MARCHF11: variants seen among roughly 807,000 people sequenced by gnomAD.
MARCHF11 encodes E3 ubiquitin-protein ligase MARCHF11.
Under a neutral mutation model 37.3 loss-of-function variants are expected in MARCHF11, and 29 were observed. The ratio of observed to expected loss-of-function variants is 0.78; its 90% CI spans 0.58 to 1.06. The LOEUF (loss-of-function observed/expected upper bound fraction) is 1.06. Among genes scored for constraint, MARCHF11 ranks in the 50% least tolerant of loss-of-function variants. The probability of loss-of-function intolerance (pLI) is 0.00; values close to 1 mark genes in which losing one functional copy is unlikely to be tolerated. For missense variants in MARCHF11, 482 were observed against 533.4 expected (o/e 0.90, Z 0.95); for synonymous variants, 233 against 228.0 (o/e 1.02, Z -0.20).
intron 3 of MARCHF11, among the ~76,000 whole-genome samples, chr5:16,078,344 T>G (rs979800700): frequency 6.6e-6 from 1 of 152,212 alleles, no homozygotes; most frequent in African/African-American, 2.4e-5. Context: ...GTAAAATGCT[T>G]AGAATGTTGC....
At chr5:16,128,900 A>G (rs1339256111) in intron 2 of MARCHF11, among the ~76,000 whole-genome samples, 5 of 152,208 alleles carry the variant, frequency 3.3e-5, no homozygotes, top group South Asian at 2.1e-4. Context: ...TAAACCATCA[A>G]TTGTAGACGA....
intron 2 of MARCHF11, among the ~76,000 whole-genome samples, chr5:16,146,941 C>T (rs1053688685): frequency 1.3e-5 from 2 of 152,058 alleles, no homozygotes; most frequent in African/African-American, 4.8e-5. Flanking sequence ...TGCTAAAAAT[C>T]TTAAAGAGAC....
At chr5:16,098,827 A>T (rs1736911257) in intron 2 of MARCHF11, among the ~76,000 whole-genome samples, 1 of 150,266 alleles carries the variant, frequency 6.7e-6, no homozygotes, top group African/African-American at 2.5e-5. Flanking sequence ...AAATATCAGC[A>T]GCAAAAGGTT....
At chr5:16,101,331 G>A (rs1343065193) in intron 2 of MARCHF11, among the ~76,000 whole-genome samples, 5 of 152,096 alleles carry the variant, frequency 3.3e-5, no homozygotes, top group African/African-American at 1.2e-4. Flanking sequence ...AGCTGAGATC[G>A]TGCCACTGCA....
chr5:16,159,575 T>C (rs1357490957), intron 2 of MARCHF11, among the ~76,000 whole-genome samples: 1 of 152,044 alleles, frequency 6.6e-6, no homozygotes, highest in Non-Finnish European at 1.5e-5. Context: ...ATACCCATTA[T>C]TAATGTTCTT....
Position 16,067,788 on chromosome 5 carries a change from T to C in MARCHF11, c.892A>G (p.Ile298Val). Residue 298 changes from isoleucine to valine, a missense_variant, in exon 4 of 4, where the codon ATT becomes GTT. Ile to Val is a conservative substitution (Grantham distance 29). Transcript: ENST00000332432. The part of the protein sequence containing the change: ...GFMDLVCIGL[I>V]VHEGAAVYRV... Reference sequence around the variant, plus strand: ...TAAACTGCAGCTCCTTCATGAACAATGAGACCTAAAATTTGAGAAAATAAA... The same window carrying C: ...TAAACTGCAGCTCCTTCATGAACAACGAGACCTAAAATTTGAGAAAATAAA... 6.2e-7 allele frequency: 1 copy of C among 1,604,994 alleles called. No individual in the cohort carries two copies. Among genetic ancestry groups the C allele is most frequent in the Non-Finnish European group, 8.5e-7 (1 of 1,175,012 alleles).
chr5:16,176,325 C>T (rs1217403056), intron 2 of MARCHF11, among the ~76,000 whole-genome samples: 2 of 152,160 alleles, frequency 1.3e-5, no homozygotes, highest in Admixed American at 6.5e-5. Context: ...TTCCCACATA[C>T]TTCTACTGAT....
In MARCHF11 at chr5:16,134,156, G is replaced by A. The variant is rs368309382; in HGVS notation, c.694-43075C>T. Among the ~76,000 whole-genome samples the A allele has an allele frequency of 5.9e-5, 9 of 152,300 alleles. No homozygotes were observed. The South Asian group carries it at 1.9e-3, about 32-fold the overall frequency. ...GTGTTGAGCCTGGCATGGAAAGGCA[G>A]TCACTCATAATACTGGTGGGAATGT... On this transcript the variant is annotated intron_variant, in intron 2 of 3. Transcript: ENST00000332432.
At chr5:16,157,499 G>A (rs77313041) in intron 2 of MARCHF11, among the ~76,000 whole-genome samples, 4,640 of 151,914 alleles carry the variant, frequency 0.031, 245 homozygotes, top group African/African-American at 0.11. Context: ...ACAGACATGT[G>A]GATGAATGGG....
chr5:16,084,756 G>GATT (rs1560969906), intron 3 of MARCHF11, among the ~76,000 whole-genome samples: 1 of 130,640 alleles, frequency 7.7e-6, no homozygotes, highest in Admixed American at 7.1e-5. Context: ...AGAAGGAGCA[G>GATT]TTTTTTTTTT....
intron 3 of MARCHF11, among the ~76,000 whole-genome samples, chr5:16,088,709 G>C (rs1341922926): frequency 6.6e-6 from 1 of 152,052 alleles, no homozygotes; most frequent in African/African-American, 2.4e-5. Flanking sequence ...TAGTGAAACT[G>C]CCAAGTAAAA....
intron 2 of MARCHF11, among the ~76,000 whole-genome samples, chr5:16,123,890 A>G (rs1737355935): frequency 1.3e-5 from 2 of 152,216 alleles, no homozygotes; most frequent in African/African-American, 4.8e-5. Context: ...TTTACAATTC[A>G]ATATGTGGCA....
chr5:16,090,750 A>T, intron 3 of MARCHF11, 139 bp downstream of exon 3: 1 of 593,172 alleles, frequency 1.7e-6, no homozygotes, highest in Non-Finnish European at 2.6e-6. Flanking sequence ...CCCAATTGTG[A>T]CCCGCAGCTA....
chr5:16,165,550 T>C (rs1325949031), intron 2 of MARCHF11, among the ~76,000 whole-genome samples: 3 of 152,118 alleles, frequency 2.0e-5, no homozygotes, highest in Non-Finnish European at 4.4e-5. Context: ...TTACCCTGTT[T>C]ATTCTTCAGC....
At chr5:16,123,350 C>A (rs1007429403) in intron 2 of MARCHF11, among the ~76,000 whole-genome samples, 3 of 152,062 alleles carry the variant, frequency 2.0e-5, no homozygotes, top group African/African-American at 7.2e-5. Flanking sequence ...CTCGTGAAAA[C>A]CCAGGAGGAC....
At chr5:16,163,736 C>T (rs950453522) in intron 2 of MARCHF11, among the ~76,000 whole-genome samples, 7 of 152,004 alleles carry the variant, frequency 4.6e-5, no homozygotes, top group African/African-American at 9.7e-5. Context: ...ATGATGATGT[C>T]CCCTCTAAAA....
At chr5:16,158,238 G>C (rs901676099) in intron 2 of MARCHF11, among the ~76,000 whole-genome samples, 1 of 151,888 alleles carries the variant, frequency 6.6e-6, no homozygotes, top group Non-Finnish European at 1.5e-5. Context: ...GTGTAAATTA[G>C]TACAGACATT....
chr5:16,128,316 C>T (rs186302336), intron 2 of MARCHF11, among the ~76,000 whole-genome samples: 7 of 152,216 alleles, frequency 4.6e-5, no homozygotes, highest in African/African-American at 1.4e-4. Flanking sequence ...CTGTGAGTGA[C>T]GGAATAACAC....
intron 3 of MARCHF11, 92 bp from the exon 4 acceptor site, chr5:16,067,885 G>T (rs1579669664): frequency 8.9e-7 from 1 of 1,126,376 alleles, no homozygotes; most frequent in East Asian, 2.5e-5. Flanking sequence ...TCCAAAAATA[G>T]TTATGTTATT....
Sources: gnomAD v4.1 joint callset for allele counts (sites outside exome capture counted in the v4.1 genomes callset) on GRCh38, gnomAD v4.1.1 for gene constraint, MANE v1.5 for transcripts, NCBI Gene and HGNC (gene_info 2026-07-23, HGNC 2026-07-21) for gene names.